The following THSD7A variants were observed in gnomAD, a reference collection of about 807,000 sequenced individuals.
THSD7A encodes the protein thrombospondin type 1 domain containing 7A.
A neutral mutation model predicts 231.3 loss-of-function variants in THSD7A; 96 were observed. The observed-to-expected ratio is 0.41, with a 90% confidence interval of 0.35 to 0.49. The LOEUF is 0.49. Ranked by LOEUF, THSD7A falls within the 20% of genes least tolerant of loss-of-function variation. The pLI is 0.05. For missense variants in THSD7A, 2,290 were observed against 2,070.2 expected, an observed-to-expected ratio of 1.11 and a Z score of -2.06; for synonymous variants, 940 against 743.3, an observed-to-expected ratio of 1.26 and a Z score of -4.30.
intron 26 of THSD7A, chr7:11,378,661 G>A (rs1293752732): frequency 5.5e-6 from 1 of 182,538 alleles, no homozygotes; most frequent in Non-Finnish European, 1.2e-5. Flanking sequence ...TTTTATTTAA[G>A]GGTCAAACTA....
chr7:11,768,412 CTT>C (rs1239918846), intron 1 of THSD7A, among the ~76,000 whole-genome samples: 5 of 152,170 alleles, frequency 3.3e-5, no homozygotes, highest in Admixed American at 6.5e-5. Flanking sequence ...GGCATGCAAT[CTT>C]TGTGGCAACA....
chr7:11,567,337 G>A (rs1426095972), intron 4 of THSD7A, among the ~76,000 whole-genome samples: 1 of 151,780 alleles, frequency 6.6e-6, no homozygotes, highest in Non-Finnish European at 1.5e-5. Context: ...ATCAAATCTC[G>A]TGAGAACTCA....
At chr7:11,640,475 A>C (rs184533380) in intron 1 of THSD7A, among the ~76,000 whole-genome samples, 1 of 152,320 alleles carries the variant, frequency 6.6e-6, no homozygotes, top group African/African-American at 2.4e-5. Flanking sequence ...TTAAAAATAC[A>C]AATCTATATT....
At chr7:11,688,364 A>G (rs932323271) in intron 1 of THSD7A, among the ~76,000 whole-genome samples, 1 of 151,788 alleles carries the variant, frequency 6.6e-6, no homozygotes, top group Non-Finnish European at 1.5e-5. Context: ...CCAACAATCA[A>G]TACTATTTTA....
At chr7:11,552,590 G>A (rs1789677095) in intron 4 of THSD7A, among the ~76,000 whole-genome samples, 1 of 152,014 alleles carries the variant, frequency 6.6e-6, no homozygotes, top group Non-Finnish European at 1.5e-5. Context: ...GAAGTCCTTG[G>A]TAAGGTTTCC....
At chr7:11,783,873 T>C (rs1458368794) in intron 1 of THSD7A, among the ~76,000 whole-genome samples, 1 of 152,124 alleles carries the variant, frequency 6.6e-6, no homozygotes, top group Non-Finnish European at 1.5e-5. Context: ...CATATCAAAA[T>C]TGTCTTTTAC....
chr7:11,784,057 C>A (rs1207761931), intron 1 of THSD7A, among the ~76,000 whole-genome samples: 1 of 151,890 alleles, frequency 6.6e-6, no homozygotes, highest in Admixed American at 6.6e-5. Flanking sequence ...TTAGCAAGTT[C>A]ACATCGCACA....
chr7:11,505,331 GA>G (rs1415556739), intron 6 of THSD7A, among the ~76,000 whole-genome samples: 1 of 152,038 alleles, frequency 6.6e-6, no homozygotes, highest in Non-Finnish European at 1.5e-5. Context: ...TCAAATATTT[GA>G]TATGAGAGTC....
intron 2 of THSD7A, among the ~76,000 whole-genome samples, chr7:11,607,016 A>AAT (rs918952953): frequency 1.3e-5 from 2 of 151,696 alleles, no homozygotes; most frequent in Non-Finnish European, 2.9e-5. Flanking sequence ...ATAATAAAAA[A>AAT]ATATATATAT....
chr7:11,827,307 A>G (rs920711558), intron 1 of THSD7A, among the ~76,000 whole-genome samples: 1 of 152,276 alleles, frequency 6.6e-6, no homozygotes, highest in Non-Finnish European at 1.5e-5. Flanking sequence ...CTTTTCTACC[A>G]TGTTGTTTTT....
intron 1 of THSD7A, among the ~76,000 whole-genome samples, chr7:11,819,844 T>C (rs1187191942): frequency 1.3e-5 from 2 of 152,178 alleles, no homozygotes; most frequent in Non-Finnish European, 2.9e-5. Context: ...GTAATATTGG[T>C]TCATCAATCG....
chr7:11,455,398 A>G (rs2128296773), intron 11 of THSD7A, among the ~76,000 whole-genome samples: 1 of 152,192 alleles, frequency 6.6e-6, no homozygotes, highest in African/African-American at 2.4e-5. Context: ...CACTTGATGA[A>G]CTTAAAGAAA....
At chr7:11,489,508 T>C (rs983223268) in intron 6 of THSD7A, among the ~76,000 whole-genome samples, 2 of 152,228 alleles carry the variant, frequency 1.3e-5, no homozygotes, top group South Asian at 4.1e-4. Flanking sequence ...AAATAGGAAC[T>C]GGGTCTTTGA....
At chr7:11,582,827 T>C (rs1225096143) in intron 4 of THSD7A, among the ~76,000 whole-genome samples, 1 of 152,186 alleles carries the variant, frequency 6.6e-6, no homozygotes, top group East Asian at 1.9e-4. Flanking sequence ...TCAACATATC[T>C]TTGTAGTTGT....
chr7:11,590,376 A>G lies in THSD7A; in HGVS notation c.1453+84T>C, dbSNP rs1780105317. On this transcript the variant is annotated intron_variant, in intron 4 of 27. Coordinates refer to ENST00000423059, the MANE Select transcript of THSD7A (RefSeq NM_015204.3). The surrounding 1 kb of genome is among the most constrained non-coding windows in gnomAD (Gnocchi z 4.4). Reference sequence around the variant, plus strand: ...CAGAAATGCAGCCCTCATAACCTGGATGGCTGTGTATATATCCCTTCAGAG... The same window carrying G: ...CAGAAATGCAGCCCTCATAACCTGGGTGGCTGTGTATATATCCCTTCAGAG... 7.2e-6 allele frequency: 10 copies of G among 1,397,474 alleles called. No homozygotes were observed. Among genetic ancestry groups the G allele is most frequent in the South Asian group, 3.1e-5 (2 of 65,468 alleles). The allele number at this position is 1,397,474 out of a possible 1,614,324, so 86.6% of individuals were successfully genotyped here.
intron 4 of THSD7A, among the ~76,000 whole-genome samples, chr7:11,577,719 T>A (rs1790977880): frequency 6.6e-6 from 1 of 151,442 alleles, no homozygotes; most frequent in African/African-American, 2.4e-5. Context: ...GCATTTTAGA[T>A]CCCCAGAAAT....
chr7:11,714,305 C>T (rs370494746), intron 1 of THSD7A, among the ~76,000 whole-genome samples: 2 of 151,178 alleles, frequency 1.3e-5, no homozygotes, highest in Non-Finnish European at 1.5e-5. Flanking sequence ...AACCCTATGA[C>T]ATGTGTATTT....
chr7:11,523,997 T>A (rs1788373138), intron 6 of THSD7A, among the ~76,000 whole-genome samples: 1 of 152,238 alleles, frequency 6.6e-6, no homozygotes, highest in South Asian at 2.1e-4. Flanking sequence ...CATTTCATAG[T>A]TTCTACTTTT....
rs201292233 is a variant in THSD7A at position 11,583,072 on chromosome 7, AT to A, written c.1453+7387del. On this transcript the variant is annotated intron_variant, in intron 4 of 27. Coordinates refer to ENST00000423059, the MANE Select transcript of THSD7A (RefSeq NM_015204.3). ...GTGTTAAATATTCAATTATTTCCTT[AT>A]TTTTTTTGTCTTCAGTTTGCTAATA... Among the ~76,000 whole-genome samples the A allele has an allele frequency of 5.2e-3, 783 of 150,962 alleles. 8 individuals carry two copies. Among genetic ancestry groups the A allele is most frequent in the African/African-American group, 0.018 (741 of 41,148 alleles).
Sources: allele counts gnomAD v4.1 joint callset (sites outside exome capture counted in the v4.1 genomes callset), GRCh38; gene constraint gnomAD v4.1.1; non-coding constraint Gnocchi (gnomAD v3.1); transcripts MANE v1.5; gene names NCBI Gene and HGNC (gene_info 2026-07-23, HGNC 2026-07-21).